The following PCDHGA2 variants were observed in gnomAD, a reference collection of about 807,000 sequenced individuals.
PCDHGA2 encodes the protein protocadherin gamma-A2.
PCDHGA2 carries 40 observed loss-of-function variants against 59.2 expected under a neutral mutation model. The ratio of observed to expected loss-of-function variants is 0.68; its 90% confidence interval spans 0.52 to 0.88. The LOEUF (loss-of-function observed/expected upper bound fraction) is 0.88. PCDHGA2 is among the 40% of genes least tolerant of loss of function. The pLI, the probability that PCDHGA2 is intolerant of heterozygous loss-of-function variation, is 0.00. For synonymous variants in PCDHGA2, 560 were observed against 526.0 expected (o/e 1.06, Z -0.89); for missense variants, 1,226 against 1,204.0 (o/e 1.02, Z -0.27).
intron 1 of PCDHGA2, among the ~76,000 whole-genome samples, chr5:141,359,447 C>A (rs1761214361): frequency 6.6e-6 from 1 of 151,116 alleles, no homozygotes; most frequent in Non-Finnish European, 1.5e-5. Flanking sequence ...TTTCTTTTAG[C>A]AAATAACAAT....
intron 1 of PCDHGA2, chr5:141,393,707 T>G (rs1296711922): frequency 6.2e-7 from 1 of 1,613,882 alleles, no homozygotes; most frequent in East Asian, 2.2e-5. Flanking sequence ...ATGAAAATAC[T>G]GGGGAAATAT....
chr5:141,414,486 AACGG>A, intron 1 of PCDHGA2: 1 of 1,613,938 alleles, frequency 6.2e-7, no homozygotes, highest in Non-Finnish European at 8.5e-7. Flanking sequence ...CTCCTCTATC[AACGG>A]AAGCTCACTT....
intron 1 of PCDHGA2, chr5:141,409,728 C>G (rs13184503): frequency 6.2e-7 from 1 of 1,613,134 alleles, no homozygotes; most frequent in Admixed American, 1.7e-5. Flanking sequence ...TCAGTGAGCG[C>G]GCAGAGCGGG....
Position 141,374,676 on chromosome 5 carries a change from G to A in PCDHGA2, c.2424+33281G>A, listed in dbSNP as rs372705367. 2.7e-5 allele frequency: 43 copies of A among 1,610,386 alleles called. No homozygotes were observed. In the African/African-American group the frequency reaches 5.5e-4, roughly 21 times the overall value. On this transcript the variant is annotated intron_variant, in intron 1 of 3. Transcript: ENST00000394576. The stretch of plus-strand genomic sequence containing the variant: ...AAGTACCCGGAGCTGGTGCTGGAGG[G>A]CACACTGGACCGGGAAGGAGAAGCC...
At chr5:141,365,053 G>C (rs1588608159) in intron 1 of PCDHGA2, 10 of 1,613,802 alleles carry the variant, frequency 6.2e-6, no homozygotes, top group Non-Finnish European at 8.5e-6. Context: ...ATGCGCCCCT[G>C]TTCACCCCAT....
chr5:141,376,399 GC>G, intron 1 of PCDHGA2: 4 of 1,614,182 alleles, frequency 2.5e-6, no homozygotes, highest in Non-Finnish European at 3.4e-6. Context: ...TTTTCCCCCA[GC>G]CCAACTATGC....
intron 1 of PCDHGA2, among the ~76,000 whole-genome samples, chr5:141,470,814 A>T (rs1170059292): frequency 2.6e-5 from 4 of 152,006 alleles, no homozygotes; most frequent in Admixed American, 6.5e-5. Context: ...CAGCCTTCTG[A>T]GTAGTTAGGA....
In PCDHGA2 at chr5:141,476,715, G is replaced by A. The variant is rs199871912; in HGVS notation, c.2425-18092G>A. 12 of 1,614,168 alleles carry A rather than the reference G, an allele frequency of 7.4e-6. No individual in the cohort carries two copies. The highest frequency in any genetic ancestry group is 1.7e-5 in the Admixed American group (1 of 60,032). On this transcript the variant is annotated intron_variant, in intron 1 of 3. Coordinates refer to ENST00000394576, the MANE Select transcript of PCDHGA2 (RefSeq NM_018915.4). The surrounding 1 kb of genome is among the most constrained non-coding windows in gnomAD (Gnocchi z 7.6). ...AAGTACGCGGAGCTGGTGTTGGAGC[G>A]CGCCCTGGACCGAGAACGGGAGCCT...
chr5:141,413,880 T>G, intron 1 of PCDHGA2: 1 of 1,613,420 alleles, frequency 6.2e-7, no homozygotes, highest in Non-Finnish European at 8.5e-7. Flanking sequence ...TCAGTGTGAC[T>G]GTCTTCGATG....
rs753051237 is a variant in PCDHGA2, at chr5:141,490,422, A to G, written c.2425-4385A>G. On this transcript the variant is annotated intron_variant, in intron 1 of 3. Coordinates refer to ENST00000394576, the MANE Select transcript of PCDHGA2 (RefSeq NM_018915.4). This position sits in a 1 kb window ranked among gnomAD's most constrained non-coding sequence, Gnocchi z 5.4. Reference sequence around the variant, plus strand: ...GCCTTGATATCTCTCCGGACCTGCCATTTCAGATTAAGCCTTCTGAGAACC... The same window carrying G: ...GCCTTGATATCTCTCCGGACCTGCCGTTTCAGATTAAGCCTTCTGAGAACC... 1 of 1,614,178 alleles carries G rather than the reference A, an allele frequency of 6.2e-7. No individual in the cohort carries two copies. The highest frequency in any genetic ancestry group is 1.7e-5 in the Admixed American group (1 of 60,030).
intron 1 of PCDHGA2, chr5:141,382,829 T>C: frequency 7.3e-7 from 1 of 1,376,168 alleles, no homozygotes; most frequent in Non-Finnish European, 9.9e-7. Flanking sequence ...GACAGAGGGG[T>C]CCACCCGGAT....
chr5:141,473,944 C>T (rs1279694347), intron 1 of PCDHGA2, among the ~76,000 whole-genome samples: 1 of 152,156 alleles, frequency 6.6e-6, no homozygotes, highest in Non-Finnish European at 1.5e-5. Context: ...TAGCTCAGGC[C>T]TGTAGTCCCA....
chr5:141,340,276 T>C lies in PCDHGA2; in HGVS notation c.1305T>C (p.Asp435=). ...KDGGNPSLST[D]AHILLQVADI... ...GAGGGAACCCCTCCCTGTCCACGGA[T>C]GCTCACATTTTGCTCCAGGTGGCAG... is the stretch of plus-strand genomic sequence containing the variant. Residue 435 remains aspartate, a synonymous_variant, in exon 1 of 4, where the codon GAT becomes GAC. Transcript: ENST00000394576. The C allele has an allele frequency of 6.2e-7, 1 of 1,614,162 alleles. No individual in the cohort carries two copies.
At chr5:141,383,161 G>T (rs774337554) in intron 1 of PCDHGA2, 1 of 1,614,052 alleles carries the variant, frequency 6.2e-7, no homozygotes, top group East Asian at 2.2e-5. Flanking sequence ...GGTCACTGCG[G>T]GCAGGATAGA....
chr5:141,394,821 G>C (rs2093106496), intron 1 of PCDHGA2: 4 of 1,613,862 alleles, frequency 2.5e-6, no homozygotes, highest in Middle Eastern at 1.6e-4. Flanking sequence ...CAGCATCCCC[G>C]AAGTCCTGAC....
intron 1 of PCDHGA2, chr5:141,423,010 G>C: frequency 6.2e-7 from 1 of 1,614,226 alleles, no homozygotes; most frequent in South Asian, 1.1e-5. Context: ...GGTGGTTGCG[G>C]TGGACAAAGA....
At chr5:141,415,185 C>G (rs375113497) in intron 1 of PCDHGA2, 66 of 1,613,860 alleles carry the variant, frequency 4.1e-5, no homozygotes, top group Non-Finnish European at 5.4e-5. Flanking sequence ...CCGTGGCCGA[C>G]AGCATCCCCC....
chr5:141,405,583 T>C (rs868246551), intron 1 of PCDHGA2: 1 of 588,746 alleles, frequency 1.7e-6, no homozygotes. Flanking sequence ...TAGCTGGGAC[T>C]ACAGGCCTCC....
At chr5:141,417,753 C>T (rs889153718) in intron 1 of PCDHGA2, 3 of 1,431,672 alleles carry the variant, frequency 2.1e-6, no homozygotes, top group African/African-American at 2.9e-5. Flanking sequence ...ATTGCCAGCT[C>T]CGAGACCCGG....
Sources: gnomAD v4.1 joint callset for allele counts (sites outside exome capture counted in the v4.1 genomes callset) on GRCh38, gnomAD v4.1.1 for gene constraint, Gnocchi (gnomAD v3.1) non-coding constraint, MANE v1.5 for transcripts, NCBI Gene and HGNC (gene_info 2026-07-23, HGNC 2026-07-21) for gene names.